TLE4: variants seen among roughly 807,000 people sequenced by gnomAD.
The protein encoded by TLE4 is TLE family member 4, transcriptional corepressor.
TLE4 carries 8 observed loss-of-function variants against 92.8 expected under a neutral mutation model. The ratio of observed to expected loss-of-function variants is 0.09; its 90% CI spans 0.05 to 0.16. The LOEUF is 0.16. Among genes scored for constraint, TLE4 ranks in the 10% least tolerant of loss-of-function variants. TLE4 has a pLI of 1.00. For synonymous variants in TLE4, 371 were observed against 374.1 expected (o/e 0.99, Z 0.10); for missense variants, 675 against 997.6 (o/e 0.68, Z 4.36).
At chr9:79,721,331 C>T (rs1353186348) in intron 16 of TLE4, among the ~76,000 whole-genome samples, 1 of 152,216 alleles carries the variant, frequency 6.6e-6, no homozygotes, top group Non-Finnish European at 1.5e-5. Context: ...TCCTGTCGCT[C>T]CCTGTGCCAT....
intron 6 of TLE4, among the ~76,000 whole-genome samples, chr9:79,629,135 T>A (rs544117109): frequency 6.6e-6 from 1 of 152,304 alleles, no homozygotes; most frequent in Admixed American, 6.5e-5. Context: ...TATGAATGGC[T>A]GAAATACAGA....
At chr9:79,684,704 C>T (rs78852763) in intron 8 of TLE4, among the ~76,000 whole-genome samples, 166 of 152,302 alleles carry the variant, frequency 1.1e-3, no homozygotes, top group African/African-American at 3.8e-3. Context: ...TGACCAGGCT[C>T]TCCCTCATGT....
chr9:79,652,489 T>C (rs2059184097), intron 6 of TLE4, 104 bp from the exon 7 acceptor site: 3 of 1,295,452 alleles, frequency 2.3e-6, no homozygotes, highest in African/African-American at 1.5e-5. Flanking sequence ...GCCCAGCCGG[T>C]GTTGGCTTTT....
chr9:79,638,855 C>T (rs943649793), intron 6 of TLE4, among the ~76,000 whole-genome samples: 1 of 152,076 alleles, frequency 6.6e-6, no homozygotes, highest in African/African-American at 2.4e-5. Flanking sequence ...TCAGAATGGC[C>T]TCTGAGCAAA....
At chr9:79,660,201 A>G (rs985179751) in intron 8 of TLE4, among the ~76,000 whole-genome samples, 1 of 152,240 alleles carries the variant, frequency 6.6e-6, no homozygotes, top group Non-Finnish European at 1.5e-5. Flanking sequence ...GGTAAGCTGA[A>G]TATCAATAGA....
chr9:79,718,512 C>T (rs894522894), intron 14 of TLE4, among the ~76,000 whole-genome samples: 2 of 152,202 alleles, frequency 1.3e-5, no homozygotes, highest in Non-Finnish European at 1.5e-5. Context: ...CCCACAGCAG[C>T]TTGTACAGAG....
chr9:79,687,907 C>T (rs2066224657), intron 8 of TLE4, among the ~76,000 whole-genome samples: 2 of 152,180 alleles, frequency 1.3e-5, no homozygotes, highest in Non-Finnish European at 2.9e-5. Flanking sequence ...GTTAAAAGCA[C>T]ACGATTCAGT....
chr9:79,722,839 G>T, intron 18 of TLE4, 120 bp from the exon 19 acceptor site: 1 of 1,064,524 alleles, frequency 9.4e-7, no homozygotes, highest in Non-Finnish European at 1.4e-6. Flanking sequence ...TTTTTGAAGT[G>T]AAAGTTATTT....
chr9:79,681,827 T>C (rs1228926767), intron 8 of TLE4, among the ~76,000 whole-genome samples: 1 of 123,870 alleles, frequency 8.1e-6, no homozygotes, highest in Admixed American at 8.6e-5. Flanking sequence ...AGAGAGAGTG[T>C]GTGCATGTGT....
intron 5 of TLE4, among the ~76,000 whole-genome samples, chr9:79,622,316 T>G (rs1384165675): frequency 6.6e-6 from 1 of 152,222 alleles, no homozygotes; most frequent in East Asian, 1.9e-4. Flanking sequence ...TCTGCTTGTC[T>G]GCAGCTGTGT....
chr9:79,710,331 A>G (rs1248264767), intron 14 of TLE4, among the ~76,000 whole-genome samples: 3 of 152,360 alleles, frequency 2.0e-5, no homozygotes, highest in African/African-American at 7.2e-5. Flanking sequence ...CTTCCCAGAA[A>G]CAAAGATTTT....
At chr9:79,574,754 G>A (rs1044715513) in intron 2 of TLE4, 119 bp from the exon 3 acceptor site, 2 of 781,010 alleles carry the variant, frequency 2.6e-6, no homozygotes, top group African/African-American at 3.4e-5. Context: ...ATAATGATGG[G>A]GGTATTTATT....
rs2036702489 is a variant in TLE4, at chr9:79,573,709, A to G, written c.66A>G (p.Gln22=). 1.9e-6 allele frequency: 3 copies of G among 1,607,390 alleles called. 1 individual carries two copies. Among genetic ancestry groups the G allele is most frequent in the South Asian group, 2.2e-5 (2 of 90,336 alleles). ...TTCAGGCACCGCATCAGCCTGCTCA[A>G]CCCTTTAAATTTACAATTTCCGAAT... is the stretch of plus-strand genomic sequence containing the variant. ...TRHPAPHQPA[Q]PFKFTISESC... Residue 22 remains glutamine, a synonymous_variant, in exon 2 of 20, where the codon CAA becomes CAG. Coordinates refer to ENST00000376552, the MANE Select transcript of TLE4 (RefSeq NM_007005.6).
At chr9:79,589,032 G>C (rs2791572) in intron 4 of TLE4, among the ~76,000 whole-genome samples, 47,574 of 152,026 alleles carry the variant, frequency 0.31, 8,751 homozygotes, top group African/African-American at 0.52. Flanking sequence ...CTACTGGCAT[G>C]TAGTGGGTAG....
chr9:79,581,444 C>T (rs2039640023), intron 4 of TLE4, among the ~76,000 whole-genome samples: 1 of 152,138 alleles, frequency 6.6e-6, no homozygotes, highest in African/African-American at 2.4e-5. Flanking sequence ...ATTCTTTTGT[C>T]TTTCTAGAGA....
chr9:79,682,821 C>T (rs1182844495), intron 8 of TLE4, among the ~76,000 whole-genome samples: 1 of 152,184 alleles, frequency 6.6e-6, no homozygotes, highest in Non-Finnish European at 1.5e-5. Flanking sequence ...GCCATTATCT[C>T]ACCTCCTGGA....
At chr9:79,583,247 C>G (rs757386828) in intron 4 of TLE4, among the ~76,000 whole-genome samples, 2 of 152,080 alleles carry the variant, frequency 1.3e-5, no homozygotes, top group Non-Finnish European at 2.9e-5. Context: ...CACGTGTAAC[C>G]CTTATTCCAT....
intron 5 of TLE4, 102 bp downstream of exon 5, chr9:79,612,820 G>T: frequency 1.0e-6 from 1 of 960,274 alleles, no homozygotes; most frequent in Middle Eastern, 2.2e-4. Flanking sequence ...CAGTCTCTTG[G>T]TGTTTGTATT....
rs376923888 is a variant in TLE4, at chr9:79,645,433, C to T, written c.391-7160C>T. 1.3e-5 allele frequency among the ~76,000 whole-genome samples: 2 copies of T among 152,226 alleles called. 1 individual carries two copies. Among genetic ancestry groups the T allele is most frequent in the Admixed American group, 1.3e-4 (2 of 15,280 alleles). Reference sequence around the variant, plus strand: ...TTCCTAGGGATGTCAGTGACTGCAGCTCTGTCCTTGCTGGCTCCTGCTTGG... The same window carrying T: ...TTCCTAGGGATGTCAGTGACTGCAGTTCTGTCCTTGCTGGCTCCTGCTTGG... On this transcript the variant is annotated intron_variant, in intron 6 of 19. Transcript: ENST00000376552.
Sources: allele counts gnomAD v4.1 joint callset (sites outside exome capture counted in the v4.1 genomes callset), GRCh38; gene constraint gnomAD v4.1.1; transcripts MANE v1.5; gene names NCBI Gene and HGNC (gene_info 2026-07-23, HGNC 2026-07-21).